The following NCALD variants were observed in gnomAD, a reference collection of about 807,000 sequenced individuals.
NCALD encodes neurocalcin-delta.
A neutral mutation model predicts 18.6 loss-of-function variants in NCALD; 10 were observed. That is an observed-to-expected ratio of 0.54 (90% CI 0.33 to 0.91). The LOEUF is 0.91. NCALD is among the 40% of genes least tolerant of loss of function. The probability of loss-of-function intolerance (pLI) is 0.03; values close to 1 mark genes in which losing one functional copy is unlikely to be tolerated. For synonymous variants in NCALD, 88 were observed against 87.4 expected, an observed-to-expected ratio of 1.01 and a Z score of -0.04; for missense variants, 184 against 247.6, an observed-to-expected ratio of 0.74 and a Z score of 1.72.
chr8:101,901,739 G>A (rs1303822031), intron 3 of NCALD, among the ~76,000 whole-genome samples: 1 of 151,922 alleles, frequency 6.6e-6, no homozygotes, highest in African/African-American at 2.4e-5. Flanking sequence ...AACTTAAGAG[G>A]AGAAGTAAAC....
At chr8:102,088,921 A>G (rs185140556) in intron 1 of NCALD, among the ~76,000 whole-genome samples, 14 of 152,298 alleles carry the variant, frequency 9.2e-5, no homozygotes, top group Non-Finnish European at 1.6e-4. Flanking sequence ...CTAGGTAGGA[A>G]ATGTCCTTTT....
intron 4 of NCALD, among the ~76,000 whole-genome samples, chr8:101,825,413 G>C (rs1258791470): frequency 6.6e-6 from 1 of 152,244 alleles, no homozygotes; most frequent in Non-Finnish European, 1.5e-5. Context: ...AGAGGGTACA[G>C]TCTCAACGGA....
rs1291937409 is a variant in NCALD at position 101,689,384 on chromosome 8, G to A, written c.507C>T (p.Phe169=). 1.2e-6 allele frequency: 2 copies of A among 1,610,466 alleles called. No homozygotes were observed. Among genetic ancestry groups the A allele is most frequent in the Non-Finnish European group, 1.7e-6 (2 of 1,178,434 alleles). ...NRDGKLSLEE[F]IRGAKSDPSI... ...ACGGGTCGCTTTTGGCTCCTCGGAT[G>A]AACTCTTCCAGGGAGAGTTTTCCTA... Residue 169 remains phenylalanine (F), a synonymous_variant, in exon 4 of 4, where the codon TTC becomes TTT. Transcript: ENST00000220931. The surrounding 1 kb of genome is among the most constrained non-coding windows in gnomAD (Gnocchi z 4.4).
At chr8:102,032,371 TG>T (rs2132142859) in intron 1 of NCALD, among the ~76,000 whole-genome samples, 1 of 152,260 alleles carries the variant, frequency 6.6e-6, no homozygotes, top group African/African-American at 2.4e-5. Context: ...GGATATGTTT[TG>T]CATATGATAC....
intron 4 of NCALD, among the ~76,000 whole-genome samples, chr8:101,885,928 C>T (rs547743792): frequency 2.0e-5 from 3 of 152,312 alleles, no homozygotes; most frequent in Admixed American, 2.0e-4. Flanking sequence ...TGCCATGTCT[C>T]GGGTTGTGAT....
rs866393535 is a variant in NCALD at position 101,804,362 on chromosome 8, C to A, written c.-20+82779G>T. ...AATTATATATTATATATAATTATAT[C>A]AATTATATATTATATGTTACTATAT... is the stretch of plus-strand genomic sequence containing the variant. On this transcript the variant is annotated intron_variant, in intron 4 of 6. Transcript: ENST00000311028. Among the ~76,000 whole-genome samples the A allele has an allele frequency of 3.5e-3, 422 of 120,682 alleles. 2 individuals are homozygous for A. The East Asian group carries it at 0.062, about 18-fold the overall frequency. The allele number at this position is 120,682 out of a possible 152,430, so 79.2% of individuals were successfully genotyped here. A position where few individuals can be genotyped will look rare whatever the true frequency, so the allele number is the denominator to read the frequency against.
At chr8:101,882,659 A>G (rs976388318) in intron 4 of NCALD, among the ~76,000 whole-genome samples, 8 of 152,202 alleles carry the variant, frequency 5.3e-5, no homozygotes, top group Non-Finnish European at 1.0e-4. Flanking sequence ...ATTAAAACAG[A>G]TAATTATTAT....
chr8:102,082,604 T>A (rs753283446), intron 1 of NCALD, among the ~76,000 whole-genome samples: 1 of 152,194 alleles, frequency 6.6e-6, no homozygotes, highest in Non-Finnish European at 1.5e-5. Context: ...CCCCTAGGCA[T>A]TGTTTAACAT....
chr8:101,745,385 T>A (rs13265954), intron 1 of NCALD, among the ~76,000 whole-genome samples: 92,908 of 151,976 alleles, frequency 0.61, 31,338 homozygotes, highest in Non-Finnish European at 0.75. Context: ...AGAAAATCTG[T>A]CCACAGAAGA....
intron 1 of NCALD, among the ~76,000 whole-genome samples, chr8:102,091,953 A>C (rs1824937780): frequency 1.3e-5 from 2 of 152,204 alleles, no homozygotes; most frequent in Non-Finnish European, 2.9e-5. Context: ...AAAATGTCAG[A>C]GGTGTTGGTA....
intron 4 of NCALD, among the ~76,000 whole-genome samples, chr8:101,797,334 A>G (rs1812674756): frequency 6.6e-6 from 1 of 152,246 alleles, no homozygotes; most frequent in Non-Finnish European, 1.5e-5. Flanking sequence ...TCAACCTGCT[A>G]AAAACTAAAG....
Position 102,032,622 on chromosome 8 carries a change from T to TAAAAAAA in NCALD, c.-209-12340_-209-12334dup, listed in dbSNP as rs59283854. 3.9e-4 allele frequency among the ~76,000 whole-genome samples: 41 copies of TAAAAAAA among 104,970 alleles called. 1 individual carries two copies. Among genetic ancestry groups the TAAAAAAA allele is most frequent in the South Asian group, 1.2e-3 (3 of 2,550 alleles). The allele number at this position is 104,970 out of a possible 152,430, so 68.9% of individuals were successfully genotyped here. On this transcript the variant is annotated intron_variant, in intron 1 of 6. Coordinates refer to the NCALD transcript ENST00000311028. ...GGAAAGAACAGAATAGAAAAACTGC[T>TAAAAAAA]AAAAAAAAAAAAAAAAAAAAGAGGA...
intron 2 of NCALD, among the ~76,000 whole-genome samples, chr8:101,945,271 G>A (rs1819122735): frequency 6.6e-6 from 1 of 152,144 alleles, no homozygotes; most frequent in Non-Finnish European, 1.5e-5. Flanking sequence ...CTAGGCTCTG[G>A]GGATAGAAGA....
Position 102,093,293 on chromosome 8 carries a change from CT to C in NCALD, c.-210+30943del, listed in dbSNP as rs1824986334. Among the ~76,000 whole-genome samples, 3 of 152,160 alleles carry C rather than the reference CT, an allele frequency of 2.0e-5. No homozygotes were observed. In the South Asian group the frequency reaches 6.2e-4, roughly 32 times the overall value. ...TCTTTAAGAGTGACTGTTTTGGGGT[CT>C]GAATAATAGTTTGATTAGACAGTAG... On this transcript the variant is annotated intron_variant, in intron 1 of 6. Transcript: ENST00000311028.
rs187852642 is a variant in NCALD, at chr8:101,912,853, C to T, written c.-107+2956G>A. ...ATGCCTTCATTGAATATTTCACTAC[C>T]TTGATGTCTTAGCAGGCTGCAATGG... On this transcript the variant is annotated intron_variant, in intron 3 of 6. Transcript: ENST00000311028. Among the ~76,000 whole-genome samples the T allele has an allele frequency of 2.0e-5, 3 of 152,334 alleles. No individual in the cohort carries two copies. In the East Asian group the frequency reaches 5.8e-4, roughly 29 times the overall value.
chr8:101,817,066 A>G (rs1280111082), intron 4 of NCALD, among the ~76,000 whole-genome samples: 1 of 152,102 alleles, frequency 6.6e-6, no homozygotes, highest in Non-Finnish European at 1.5e-5. Flanking sequence ...TGATATTTTC[A>G]TCACACAAGC....
At chr8:101,905,282 T>C (rs1817573395) in intron 3 of NCALD, among the ~76,000 whole-genome samples, 1 of 150,460 alleles carries the variant, frequency 6.6e-6, no homozygotes, top group Non-Finnish European at 1.5e-5. Flanking sequence ...CTCTCCTCTC[T>C]CTCTCTCTCT....
At chr8:101,749,904 G>C (rs1810580363) in intron 1 of NCALD, 2 of 152,172 alleles carry the variant, frequency 1.3e-5, no homozygotes, top group East Asian at 1.9e-4. Context: ...GTCTCTTCTG[G>C]CATAGCAGCT....
intron 1 of NCALD, among the ~76,000 whole-genome samples, chr8:101,788,391 T>C (rs1812316803): frequency 1.3e-5 from 2 of 152,212 alleles, no homozygotes; most frequent in South Asian, 2.1e-4. Context: ...ACCTGTGATA[T>C]TGTTGCCAAG....
Sources: gnomAD v4.1 joint callset for allele counts (sites outside exome capture counted in the v4.1 genomes callset) on GRCh38, gnomAD v4.1.1 for gene constraint, Gnocchi (gnomAD v3.1) non-coding constraint, MANE v1.5 for transcripts, NCBI Gene and HGNC (gene_info 2026-07-23, HGNC 2026-07-21) for gene names.